The following LRMDA variants were observed in gnomAD, a reference collection of about 807,000 sequenced individuals.
LRMDA encodes the protein leucine rich melanocyte differentiation associated.
In LRMDA, 18 loss-of-function variants were observed where a neutral mutation model predicts 29.8. The observed-to-expected ratio is 0.60, with a 90% CI of 0.42 to 0.90. The LOEUF is 0.90. Among genes scored for constraint, LRMDA ranks in the 40% least tolerant of loss-of-function variants. The probability of loss-of-function intolerance (pLI) is 0.00; values close to 1 mark genes in which losing one functional copy is unlikely to be tolerated. For synonymous variants in LRMDA, 125 were observed against 109.4 expected (o/e 1.14, Z -0.89); for missense variants, 273 against 273.9 (o/e 1.00, Z 0.02).
intron 2 of LRMDA, among the ~76,000 whole-genome samples, chr10:75,691,508 C>A (rs1002129135): frequency 1.3e-5 from 2 of 152,084 alleles, no homozygotes; most frequent in Non-Finnish European, 2.9e-5. Flanking sequence ...ACCTTGTTCC[C>A]ACTGCTCTGT....
At chr10:76,144,419 G>A (rs1355074447) in intron 5 of LRMDA, among the ~76,000 whole-genome samples, 1 of 151,968 alleles carries the variant, frequency 6.6e-6, no homozygotes, top group East Asian at 1.9e-4. Context: ...TCCCTTGTAA[G>A]TTGGATTCCT....
chr10:76,025,943 A>G (rs1284512140), intron 2 of LRMDA, among the ~76,000 whole-genome samples: 1 of 152,218 alleles, frequency 6.6e-6, no homozygotes, highest in African/African-American at 2.4e-5. Context: ...GCAAAGTACT[A>G]AGCACAGAGT....
intron 2 of LRMDA, among the ~76,000 whole-genome samples, chr10:75,468,227 C>G (rs1400470879): frequency 6.6e-6 from 1 of 152,126 alleles, no homozygotes; most frequent in Non-Finnish European, 1.5e-5. Flanking sequence ...CGGTTTCCCC[C>G]ATACATAAGT....
chr10:75,905,236 C>CTTT (rs200409197), intron 2 of LRMDA, among the ~76,000 whole-genome samples: 3 of 132,994 alleles, frequency 2.3e-5, no homozygotes, highest in African/African-American at 5.5e-5. Flanking sequence ...TCTCCTGCCT[C>CTTT]TTTTTTTTTT....
In LRMDA at chr10:75,970,882, G is replaced by A. The variant is rs182490323; in HGVS notation, c.132-65126G>A. Among the ~76,000 whole-genome samples the A allele has an allele frequency of 1.7e-3, 255 of 152,306 alleles. 4 individuals carry two copies. Among genetic ancestry groups the A allele is most frequent in the African/African-American group, 5.8e-3 (242 of 41,570 alleles). On this transcript the variant is annotated intron_variant, in intron 2 of 6. Transcript: ENST00000611255. ...AGTAGTGGTACCTTCTATTTGTTCAGTGTTTAAAAATCTTGAAAATACTTT... is the reference window on the plus strand; with the variant it reads ...AGTAGTGGTACCTTCTATTTGTTCAATGTTTAAAAATCTTGAAAATACTTT...
intron 5 of LRMDA, among the ~76,000 whole-genome samples, chr10:76,266,807 G>A (rs756559152): frequency 1.3e-5 from 2 of 152,112 alleles, no homozygotes; most frequent in Non-Finnish European, 2.9e-5. Flanking sequence ...TACATTGAAT[G>A]GATGACAATT....
At chr10:75,798,039 A>T (rs562366908) in intron 2 of LRMDA, among the ~76,000 whole-genome samples, 143 of 152,200 alleles carry the variant, frequency 9.4e-4, no homozygotes, top group African/African-American at 3.4e-3. Flanking sequence ...ATTTCATTGT[A>T]GTTTTAATTT....
At chr10:76,201,684 A>G (rs1177778335) in intron 5 of LRMDA, among the ~76,000 whole-genome samples, 1 of 152,224 alleles carries the variant, frequency 6.6e-6, no homozygotes, top group Non-Finnish European at 1.5e-5. Context: ...CTTAGTGTCA[A>G]ATATTTTTCA....
intron 6 of LRMDA, among the ~76,000 whole-genome samples, chr10:76,470,180 C>T (rs529244861): frequency 2.0e-4 from 30 of 152,144 alleles, no homozygotes; most frequent in Admixed American, 8.5e-4. Flanking sequence ...ACTTCCTTTA[C>T]AAGAAATACT....
chr10:76,342,544 A>G (rs1225076189), intron 6 of LRMDA, among the ~76,000 whole-genome samples: 1 of 152,022 alleles, frequency 6.6e-6, no homozygotes, highest in Non-Finnish European at 1.5e-5. Context: ...ATAAATATTA[A>G]TAAGATAGAA....
chr10:76,422,618 G>T (rs1204477691), intron 6 of LRMDA, among the ~76,000 whole-genome samples: 1 of 152,106 alleles, frequency 6.6e-6, no homozygotes, highest in Non-Finnish European at 1.5e-5. Flanking sequence ...AGTTGTCAAA[G>T]AAATCTTGAT....
intron 6 of LRMDA, among the ~76,000 whole-genome samples, chr10:76,539,893 A>G (rs1907308): frequency 0.29 from 44,038 of 151,890 alleles, 6,975 homozygotes; most frequent in Non-Finnish European, 0.36. Context: ...TATGTCAGAT[A>G]CCCAAATGCA....
chr10:76,461,911 C>G (rs535857198), intron 6 of LRMDA, among the ~76,000 whole-genome samples: 1 of 151,810 alleles, frequency 6.6e-6, no homozygotes, highest in African/African-American at 2.4e-5. Flanking sequence ...CCCATCTCTA[C>G]GAAAAATACA....
intron 2 of LRMDA, among the ~76,000 whole-genome samples, chr10:75,832,900 C>T (rs1844370723): frequency 6.6e-6 from 1 of 152,310 alleles, no homozygotes; most frequent in East Asian, 1.9e-4. Context: ...TCAGTTGTCT[C>T]CCACTGGGCC....
intron 2 of LRMDA, among the ~76,000 whole-genome samples, chr10:75,959,222 A>G (rs542542408): frequency 5.9e-5 from 9 of 152,302 alleles, no homozygotes; most frequent in Admixed American, 5.9e-4. Flanking sequence ...CCCAGTCTTC[A>G]TGGAGGAGCT....
At chr10:75,701,965 G>C (rs1437038439) in intron 2 of LRMDA, among the ~76,000 whole-genome samples, 1 of 151,840 alleles carries the variant, frequency 6.6e-6, no homozygotes, top group East Asian at 1.9e-4. Flanking sequence ...CTAATGCTTC[G>C]GCCGCATGTT....
At chr10:75,911,015 T>G (rs1845834395) in intron 2 of LRMDA, among the ~76,000 whole-genome samples, 1 of 152,118 alleles carries the variant, frequency 6.6e-6, no homozygotes, top group South Asian at 2.1e-4. Flanking sequence ...AACAGCATTT[T>G]TTTTTTGGAG....
intron 2 of LRMDA, among the ~76,000 whole-genome samples, chr10:75,833,327 T>C (rs1191124150): frequency 1.3e-5 from 2 of 152,246 alleles, no homozygotes. Flanking sequence ...TCTCATATTC[T>C]AATGTCTCTG....
chr10:75,612,712 G>T (rs1318813570), intron 2 of LRMDA, among the ~76,000 whole-genome samples: 1 of 150,334 alleles, frequency 6.7e-6, no homozygotes, highest in Non-Finnish European at 1.5e-5. Flanking sequence ...CAATAGTGTG[G>T]ATAAGAACTG....
Sources: allele counts gnomAD v4.1 joint callset (sites outside exome capture counted in the v4.1 genomes callset), GRCh38; gene constraint gnomAD v4.1.1; transcripts MANE v1.5; gene names NCBI Gene and HGNC (gene_info 2026-07-23, HGNC 2026-07-21).